Variants in TACC2 observed in about 807,000 individuals in gnomAD.
The protein encoded by TACC2 is transforming acidic coiled-coil-containing protein 2.
In TACC2, 137 loss-of-function variants were observed where a neutral mutation model predicts 227.3. That is an observed-to-expected ratio of 0.60 (90% CI 0.52 to 0.69). TACC2 has a LOEUF of 0.69. Among genes scored for constraint, TACC2 ranks in the 30% least tolerant of loss-of-function variants. The pLI is 0.00. For synonymous variants in TACC2, 1,523 were observed against 1,487.5 expected (o/e 1.02, Z -0.55); for missense variants, 3,470 against 3,694.4 (o/e 0.94, Z 1.57).
intron 8 of TACC2, among the ~76,000 whole-genome samples, chr10:122,204,791 C>T (rs1463219931): frequency 6.6e-6 from 1 of 151,664 alleles, no homozygotes; most frequent in Non-Finnish European, 1.5e-5. Flanking sequence ...CGCCACTGCA[C>T]TGCAGCCTGG....
intron 1 of TACC2, among the ~76,000 whole-genome samples, chr10:122,002,495 G>A (rs1954520108): frequency 6.6e-6 from 1 of 152,064 alleles, no homozygotes; most frequent in Admixed American, 6.6e-5. Context: ...CTTCATAAAA[G>A]GAATTAAGGT....
chr10:122,070,050 T>G (rs1402088836), intron 3 of TACC2, among the ~76,000 whole-genome samples: 1 of 152,158 alleles, frequency 6.6e-6, no homozygotes. Context: ...TTTAGATTAA[T>G]GGGATTACAG....
intron 5 of TACC2, among the ~76,000 whole-genome samples, chr10:122,091,759 A>C (rs2080850373): frequency 6.6e-6 from 1 of 152,020 alleles, no homozygotes; most frequent in Non-Finnish European, 1.5e-5. Context: ...ACTTCCTAGG[A>C]GGGGCAGGTG....
intron 7 of TACC2, among the ~76,000 whole-genome samples, chr10:122,152,736 T>C (rs2092169436): frequency 1.3e-5 from 2 of 152,146 alleles, no homozygotes; most frequent in Non-Finnish European, 2.9e-5. Flanking sequence ...GGCCGAGCCA[T>C]CCTGCATCCT....
intron 7 of TACC2, among the ~76,000 whole-genome samples, chr10:122,176,290 A>G (rs1318168704): frequency 6.6e-6 from 1 of 151,692 alleles, no homozygotes; most frequent in Admixed American, 6.6e-5. Context: ...CTCTTTTAAT[A>G]TATGGGTCCT....
chr10:122,226,389 G>C lies in TACC2; in HGVS notation c.7632G>C (p.Lys2544Asn). ...AGCAGGACGACGATGCCCCGAAGAA[G>C]CAGGCCTTGTACCTTATGTTTGACA... ...SLPQDDDAPK[K>N]QALYLMFDTS... Residue 2544 changes from lysine to asparagine, a missense_variant, in exon 13 of 23, where the codon AAG becomes AAC. Lys to Asn is a moderately conservative substitution (Grantham distance 94). This residue lies in a region of TACC2 where 345 missense variants were observed against 354.4 expected (regional missense o/e 0.97). Coordinates refer to ENST00000369005, the MANE Select transcript of TACC2 (RefSeq NM_206862.4). 1 of 1,614,066 alleles carries C rather than the reference G, an allele frequency of 6.2e-7. No homozygotes were observed. The highest frequency in any genetic ancestry group is 1.7e-5 in the Admixed American group (1 of 60,022).
chr10:122,042,165 T>C (rs1390437241), intron 2 of TACC2, among the ~76,000 whole-genome samples: 5 of 152,192 alleles, frequency 3.3e-5, no homozygotes, highest in African/African-American at 9.7e-5. Context: ...CAGGATGGTC[T>C]CAATCTCCTG....
chr10:122,198,460 G>A (rs982137359), intron 8 of TACC2, among the ~76,000 whole-genome samples: 2 of 152,164 alleles, frequency 1.3e-5, no homozygotes, highest in African/African-American at 4.8e-5. Context: ...GCCACCAAGG[G>A]TCATAATTAC....
At chr10:122,229,325 C>A in intron 14 of TACC2, 21 bp from the exon 15 acceptor site, 1 of 1,613,014 alleles carries the variant, frequency 6.2e-7, no homozygotes, top group African/African-American at 1.3e-5. Context: ...CTTGTGTGTC[C>A]TCCTCTCTGC....
chr10:122,083,389 C>T lies in TACC2; in HGVS notation c.889C>T (p.Pro297Ser), dbSNP rs778907040. 9.3e-6 allele frequency: 15 copies of T among 1,613,916 alleles called. No individual in the cohort carries two copies. The highest frequency in any genetic ancestry group is 2.2e-5 in the East Asian group (1 of 44,858). ...DRERGQGEAP[P>S]QYLTDDLEFL... is the part of the protein sequence containing the mutation. ...AGAAAGAGGCCAAGGGGAGGCGCCG[C>T]CTCAGTATTTAACAGATGACTTGGA... Residue 297 changes from proline (P) to serine (S), a missense_variant, in exon 4 of 23, where the codon CCT (proline) becomes TCT (serine). Around this residue, in one of 10 missense-constraint regions of TACC2, gnomAD observed 405 missense variants for 389.6 expected, o/e 1.04. Transcript: ENST00000369005.
Position 122,248,664 on chromosome 10 carries a change from C to T in TACC2, c.8414C>T (p.Ser2805Leu). 1 of 1,613,524 alleles carries T rather than the reference C, an allele frequency of 6.2e-7. No individual in the cohort carries two copies. Among genetic ancestry groups the T allele is most frequent in the Admixed American group, 1.7e-5 (1 of 60,034 alleles). ...QMIEDEQREKSVSHQTVQQLV... is the reference protein window; with the variant it reads ...QMIEDEQREKLVSHQTVQQLV... ...CCAGAGGACGAACAGAGAGAGAAGTCAGTCTCCCACCAGACGGTGCAGCAG... is the reference window on the plus strand; with the variant it reads ...CCAGAGGACGAACAGAGAGAGAAGTTAGTCTCCCACCAGACGGTGCAGCAG... The change falls in exon 20 of 23, where the codon TCA becomes TTA. Residue 2805 changes from serine to leucine, a missense_variant. By Grantham distance (145) the Ser-to-Leu change is moderately radical (BLOSUM62 -2). Around this residue, in one of 10 missense-constraint regions of TACC2, gnomAD observed 65 missense variants for 119.3 expected, o/e 0.54. Coordinates refer to ENST00000369005, the MANE Select transcript of TACC2 (RefSeq NM_206862.4).
intron 1 of TACC2, among the ~76,000 whole-genome samples, chr10:122,012,822 G>GC (rs60769244): frequency 0.46 from 69,189 of 151,640 alleles, 15,908 homozygotes; most frequent in South Asian, 0.62. Flanking sequence ...GCACCATGTG[G>GC]GGGTGCTGCA....
At position 122,033,105 on chromosome 10, in the gene TACC2, C is replaced by T. The variant is rs567395106; in HGVS notation, c.33+11091C>T. 502 of 1,289,344 alleles carry T rather than the reference C, an allele frequency of 3.9e-4. 1 individual carries two copies. The highest frequency in any genetic ancestry group is 7.1e-4 in the Admixed American group (31 of 43,566). 79.9% of individuals were successfully genotyped at this position (1,289,344 alleles called of 1,614,324 possible). A position where few individuals can be genotyped will look rare whatever the true frequency, so the allele number is the denominator to read the frequency against. On this transcript the variant is annotated intron_variant, in intron 2 of 22. Coordinates refer to ENST00000369005, the MANE Select transcript of TACC2 (RefSeq NM_206862.4). ...CCTTTGCATTTCAGCAGGAGGACTC[C>T]GTCTTGCATAACGTCATTCTGTGGC...
At chr10:122,215,532 C>A in intron 10 of TACC2, 81 bp downstream of exon 10, 2 of 1,202,470 alleles carry the variant, frequency 1.7e-6, no homozygotes, top group East Asian at 2.3e-5. Flanking sequence ...GCTTTGCTTT[C>A]TGCTCATCCC....
At chr10:122,049,105 A>T (rs1289237533) in intron 2 of TACC2, among the ~76,000 whole-genome samples, 1 of 152,220 alleles carries the variant, frequency 6.6e-6, no homozygotes, top group East Asian at 1.9e-4. Context: ...CATCTGGATG[A>T]GAGGTGGACC....
chr10:122,105,641 A>ATTTT (rs2082675939), intron 5 of TACC2, among the ~76,000 whole-genome samples: 1 of 147,534 alleles, frequency 6.8e-6, no homozygotes, highest in Non-Finnish European at 1.5e-5. Context: ...TTTTTTTGAG[A>ATTTT]TGGAGTCTTG....
intron 8 of TACC2, among the ~76,000 whole-genome samples, chr10:122,204,040 C>G (rs2095006290): frequency 6.6e-6 from 1 of 151,324 alleles, no homozygotes. Context: ...CGCCTGCAAT[C>G]CCAGGCACTC....
chr10:122,138,596 C>G (rs763670946), intron 6 of TACC2, among the ~76,000 whole-genome samples: 1 of 152,226 alleles, frequency 6.6e-6, no homozygotes, highest in Non-Finnish European at 1.5e-5. Flanking sequence ...AAAGTCTTCT[C>G]TGAATAACAG....
intron 20 of TACC2, 123 bp downstream of exon 20, chr10:122,248,926 A>C (rs1055800948): frequency 1.3e-6 from 2 of 1,498,700 alleles, no homozygotes; most frequent in Non-Finnish European, 9.2e-7. Flanking sequence ...GGGTCCATGC[A>C]GGCTGGGGAG....
Sources: allele counts gnomAD v4.1 joint callset (sites outside exome capture counted in the v4.1 genomes callset), GRCh38; gene constraint gnomAD v4.1.1; regional missense constraint gnomAD v4.1.1; transcripts MANE v1.5; gene names NCBI Gene and HGNC (gene_info 2026-07-23, HGNC 2026-07-21).